Variants in RRM2B observed in about 807,000 individuals in gnomAD.
The protein encoded by RRM2B is ribonucleoside-diphosphate reductase subunit M2 B.
A neutral mutation model predicts 45.9 loss-of-function variants in RRM2B; 20 were observed. The ratio of observed to expected loss-of-function variants is 0.44; its 90% CI spans 0.31 to 0.63. The LOEUF (loss-of-function observed/expected upper bound fraction) is 0.63. RRM2B is among the 30% of genes least tolerant of loss of function. The pLI is 0.09. For synonymous variants in RRM2B, 124 were observed against 132.3 expected (o/e 0.94, Z 0.43); for missense variants, 320 against 414.7 (o/e 0.77, Z 1.98).
chr8:102,214,485 T>C, intron 6 of RRM2B: 1 of 268,314 alleles, frequency 3.7e-6, no homozygotes, highest in Non-Finnish European at 7.5e-6. Flanking sequence ...AATTCATTAA[T>C]TTTTAAATTT....
intron 1 of RRM2B, among the ~76,000 whole-genome samples, chr8:102,235,667 C>T (rs1367490774): frequency 6.6e-6 from 1 of 152,018 alleles, no homozygotes; most frequent in African/African-American, 2.4e-5. Context: ...GGTGAAACCC[C>T]GTCTCTACTA....
chr8:102,221,706 C>A (rs1460551426), intron 5 of RRM2B, among the ~76,000 whole-genome samples: 1 of 152,188 alleles, frequency 6.6e-6, no homozygotes, highest in African/African-American at 2.4e-5. Context: ...TAGCTGGAGT[C>A]CTCATGTAGT....
chr8:102,236,237 C>T (rs1171654967), intron 1 of RRM2B, among the ~76,000 whole-genome samples: 2 of 152,104 alleles, frequency 1.3e-5, no homozygotes, highest in Admixed American at 6.6e-5. Context: ...GCTCATACTC[C>T]AATTCTCCCC....
chr8:102,232,149 C>T lies in RRM2B; in HGVS notation c.204G>A (p.Glu68=). 2 of 1,613,938 alleles carry T rather than the reference C, an allele frequency of 1.2e-6. No individual in the cohort carries two copies. The highest frequency in any genetic ancestry group is 1.7e-6 in the Non-Finnish European group (2 of 1,179,816). ...QAQASFWTAE[E]VDLSKDLPHW... ...TGCTCTTGGAGGCAATGCCACGTAC[C>T]TCTTCTGCTGTCCAGAAGGAAGCCT... The change falls in exon 2 of 9, where the codon GAG becomes GAA. Residue 68 remains glutamate, a splice_region_variant and synonymous_variant. Coordinates refer to ENST00000251810, the MANE Select transcript of RRM2B (RefSeq NM_015713.5).
At chr8:102,221,931 G>C (rs1810843706) in intron 5 of RRM2B, among the ~76,000 whole-genome samples, 1 of 152,116 alleles carries the variant, frequency 6.6e-6, no homozygotes, top group Admixed American at 6.6e-5. Flanking sequence ...CTCCTTGTGA[G>C]GGAATCAGCT....
intron 1 of RRM2B, 132 bp from the exon 2 acceptor site, chr8:102,232,436 T>C (rs184032864): frequency 5.9e-6 from 5 of 847,148 alleles, no homozygotes; most frequent in Non-Finnish European, 5.9e-6. Context: ...GAATCCTTAC[T>C]GTTACCTGGT....
chr8:102,232,457 T>C (rs1042924101), intron 1 of RRM2B, among the ~76,000 whole-genome samples, 153 bp from the exon 2 acceptor site: 3 of 152,220 alleles, frequency 2.0e-5, no homozygotes, highest in Non-Finnish European at 4.4e-5. Context: ...AGCTGACTAA[T>C]ACTGTTAGGA....
chr8:102,211,112 A>G (rs1007399036), intron 8 of RRM2B, among the ~76,000 whole-genome samples: 2 of 152,016 alleles, frequency 1.3e-5, no homozygotes, highest in African/African-American at 2.4e-5. Flanking sequence ...CCCAGGCTCA[A>G]GTGATCCTCC....
At chr8:102,223,682 C>G (rs141136644) in intron 5 of RRM2B, among the ~76,000 whole-genome samples, 1,311 of 129,228 alleles carry the variant, frequency 0.01, 17 homozygotes, top group African/African-American at 0.037. Flanking sequence ...GGTGACAGAG[C>G]GAGACTCCGT....
At chr8:102,218,998 CATAT>C in intron 5 of RRM2B, 51 bp from the exon 6 acceptor site, 1 of 1,509,890 alleles carries the variant, frequency 6.6e-7, no homozygotes, top group Non-Finnish European at 9.2e-7. Context: ...CAAACATTTG[CATAT>C]ATATATATAC....
chr8:102,214,246 CT>C (rs1237410464), intron 6 of RRM2B, 88 bp from the exon 7 acceptor site: 1 of 895,376 alleles, frequency 1.1e-6, no homozygotes, highest in Non-Finnish European at 1.8e-6. Context: ...TAAAGTGGTT[CT>C]AGGAATATAA....
At chr8:102,216,234 A>G (rs916090559) in intron 6 of RRM2B, among the ~76,000 whole-genome samples, 1 of 152,032 alleles carries the variant, frequency 6.6e-6, no homozygotes, top group Non-Finnish European at 1.5e-5. Flanking sequence ...AAACTTCCCA[A>G]GAGTGTTTAA....
chr8:102,225,265 C>T (rs931784638), intron 3 of RRM2B, among the ~76,000 whole-genome samples: 1 of 123,002 alleles, frequency 8.1e-6, no homozygotes, highest in East Asian at 2.5e-4. Context: ...GATGGAGTCT[C>T]GATCTGTCAC....
Position 102,204,655 on chromosome 8 carries a change from A to C in RRM2B, c.*3478T>G, listed in dbSNP as rs1229850017. ...AACAACTAATTTATTTGAAAAAAAAACAAATTCTGTACATGCAGGCTTGGC... is the reference window on the plus strand; with the variant it reads ...AACAACTAATTTATTTGAAAAAAAACCAAATTCTGTACATGCAGGCTTGGC... On this transcript the variant is annotated 3_prime_UTR_variant, in exon 9 of 9. Transcript: ENST00000251810. 1 of 152,202 alleles carries C rather than the reference A, an allele frequency of 6.6e-6. No homozygotes were observed. The highest frequency in any genetic ancestry group is 6.5e-5 in the Admixed American group (1 of 15,286). The allele number at this position is 152,202 out of a possible 1,614,324, so 9.4% of individuals were successfully genotyped here.
At chr8:102,232,492 T>C (rs1258379164) in intron 1 of RRM2B, among the ~76,000 whole-genome samples, 188 bp from the exon 2 acceptor site, 1 of 152,224 alleles carries the variant, frequency 6.6e-6, no homozygotes, top group East Asian at 1.9e-4. Context: ...CATAGAAAGC[T>C]GCTTAACTTC....
intron 2 of RRM2B, among the ~76,000 whole-genome samples, chr8:102,226,308 T>C (rs1160899071): frequency 6.6e-6 from 1 of 151,290 alleles, no homozygotes; most frequent in Non-Finnish European, 1.5e-5. Flanking sequence ...ATTTGTTACA[T>C]AATGGGTAAC....
At chr8:102,209,005 C>A (rs1337520064) in intron 8 of RRM2B, among the ~76,000 whole-genome samples, 1 of 152,066 alleles carries the variant, frequency 6.6e-6, no homozygotes, top group Non-Finnish European at 1.5e-5. Flanking sequence ...CAAAAATTAG[C>A]TGGGCGTGGT....
chr8:102,208,908 G>T lies in RRM2B; in HGVS notation c.904-623C>A, dbSNP rs1810588201. Among the ~76,000 whole-genome samples the T allele has an allele frequency of 2.0e-5, 3 of 152,170 alleles. No homozygotes were observed. In the South Asian group the frequency reaches 6.2e-4, roughly 32 times the overall value. On this transcript the variant is annotated intron_variant, in intron 8 of 8. Transcript: ENST00000251810. The stretch of plus-strand genomic sequence containing the variant: ...TCATGCCTGTAATCTCAGCACTTTG[G>T]GAGGCCGAGGTAGGTGGGATCACCT...
At chr8:102,212,632 C>G in intron 8 of RRM2B, 144 bp downstream of exon 8, 1 of 570,462 alleles carries the variant, frequency 1.8e-6, no homozygotes. Flanking sequence ...TTTTGCAAAA[C>G]CTTGTTCATA....
Sources: allele counts gnomAD v4.1 joint callset (sites outside exome capture counted in the v4.1 genomes callset), GRCh38; gene constraint gnomAD v4.1.1; transcripts MANE v1.5; gene names NCBI Gene and HGNC (gene_info 2026-07-23, HGNC 2026-07-21).